Variants in CLYBL observed in about 807,000 individuals in gnomAD.
CLYBL encodes citramalyl-CoA lyase, also known as citramalyl-CoA lyase, mitochondrial.
A neutral mutation model predicts 38.9 loss-of-function variants in CLYBL; 31 were observed. That is an observed-to-expected ratio of 0.80 (90% confidence interval 0.60 to 1.08). The LOEUF (loss-of-function observed/expected upper bound fraction) is 1.08. Ranked by LOEUF, CLYBL falls within the 50% of genes least tolerant of loss-of-function variation. The probability of loss-of-function intolerance (pLI) is 0.00; values close to 1 mark genes in which losing one functional copy is unlikely to be tolerated. For missense variants in CLYBL, 434 were observed against 411.6 expected, an observed-to-expected ratio of 1.05 and a Z score of -0.47; for synonymous variants, 171 against 158.6, an observed-to-expected ratio of 1.08 and a Z score of -0.59.
intron 2 of CLYBL, among the ~76,000 whole-genome samples, chr13:99,775,354 G>A (rs2049489738): frequency 6.6e-6 from 1 of 152,156 alleles, no homozygotes. Flanking sequence ...GAAACCTGAG[G>A]AGGAGAAGGG....
intron 2 of CLYBL, among the ~76,000 whole-genome samples, chr13:99,817,702 A>C (rs2050488370): frequency 6.6e-6 from 1 of 151,798 alleles, no homozygotes; most frequent in Non-Finnish European, 1.5e-5. Flanking sequence ...CACTGAGCTA[A>C]AGTAAAGAAA....
At chr13:99,654,951 G>A (rs535689519) in intron 1 of CLYBL, among the ~76,000 whole-genome samples, 2 of 152,236 alleles carry the variant, frequency 1.3e-5, no homozygotes, top group East Asian at 1.9e-4. Context: ...GTTGCAGTGA[G>A]CCGAGATCGC....
chr13:99,866,126 G>A (rs2051735810), intron 5 of CLYBL, 114 bp from the exon 6 acceptor site: 10 of 1,030,156 alleles, frequency 9.7e-6, no homozygotes, highest in Non-Finnish European at 1.5e-5. Flanking sequence ...ATTTTGCGGA[G>A]GAGCAATTTC....
At chr13:99,632,780 A>T (rs1004731831) in intron 1 of CLYBL, among the ~76,000 whole-genome samples, 1 of 152,100 alleles carries the variant, frequency 6.6e-6, no homozygotes, top group African/African-American at 2.4e-5. Context: ...ACCCCACTAG[A>T]TAGAGGTAGA....
At position 99,903,612 on chromosome 13, in the gene CLYBL, A is replaced by C. The variant is rs142304363; in HGVS notation, c.*25-1658A>C. Among the ~76,000 whole-genome samples, 181 of 152,346 alleles carry C rather than the reference A, an allele frequency of 1.2e-3. 1 individual carries two copies. Among genetic ancestry groups the C allele is most frequent in the African/African-American group, 3.9e-3 (161 of 41,580 alleles). On this transcript the variant is annotated intron_variant and NMD_transcript_variant, in intron 8 of 9. Transcript: ENST00000689673. ...GTGAAAAATAAATTTGTTTTGGATA[A>C]CTGGCTTAAAACTCACTTAGGAATA...
At chr13:99,759,759 G>A (rs540488599) in intron 1 of CLYBL, among the ~76,000 whole-genome samples, 76 of 152,328 alleles carry the variant, frequency 5.0e-4, no homozygotes, top group Middle Eastern at 3.4e-3. Flanking sequence ...AGAAGTAGCT[G>A]TTATGTTGCT....
At chr13:99,806,370 T>C (rs1413476897) in intron 2 of CLYBL, among the ~76,000 whole-genome samples, 3 of 152,228 alleles carry the variant, frequency 2.0e-5, no homozygotes, top group African/African-American at 2.4e-5. Flanking sequence ...TAATTAGTTT[T>C]TAAAATTAAT....
At chr13:99,631,519 A>C (rs1041582520) in intron 1 of CLYBL, among the ~76,000 whole-genome samples, 1 of 152,156 alleles carries the variant, frequency 6.6e-6, no homozygotes, top group Non-Finnish European at 1.5e-5. Context: ...TGTTAAAAAG[A>C]ATAAGGTAGT....
At chr13:99,799,651 A>G (rs2050092508) in intron 2 of CLYBL, among the ~76,000 whole-genome samples, 1 of 152,210 alleles carries the variant, frequency 6.6e-6, no homozygotes. Flanking sequence ...AATTTCATCT[A>G]TCTGGAGGAA....
intron 1 of CLYBL, among the ~76,000 whole-genome samples, chr13:99,644,564 G>A (rs1238546319): frequency 6.6e-6 from 1 of 151,956 alleles, no homozygotes; most frequent in African/African-American, 2.4e-5. Context: ...AATTATTGTT[G>A]ACTGTAGTTA....
chr13:99,760,149 A>T (rs969957842), intron 1 of CLYBL, among the ~76,000 whole-genome samples: 1 of 152,196 alleles, frequency 6.6e-6, no homozygotes, highest in Non-Finnish European at 1.5e-5. Flanking sequence ...TTTTATTTCC[A>T]TAGAATCAGT....
intron 1 of CLYBL, among the ~76,000 whole-genome samples, chr13:99,694,802 G>C (rs1466431921): frequency 2.0e-5 from 3 of 152,218 alleles, no homozygotes; most frequent in African/African-American, 7.2e-5. Context: ...CACTGGCTGG[G>C]TAGTTCTGTT....
chr13:99,614,614 T>C (rs2046679808), intron 1 of CLYBL, among the ~76,000 whole-genome samples: 1 of 152,138 alleles, frequency 6.6e-6, no homozygotes, highest in Non-Finnish European at 1.5e-5. Context: ...GTGCCGTGCC[T>C]GCTGAACGGC....
chr13:99,641,246 A>G (rs887428189), intron 1 of CLYBL, among the ~76,000 whole-genome samples: 10 of 152,220 alleles, frequency 6.6e-5, no homozygotes, highest in African/African-American at 1.7e-4. Flanking sequence ...TTTATAACCT[A>G]TAGGTTAAAA....
At chr13:99,830,252 C>T (rs974480297) in intron 2 of CLYBL, among the ~76,000 whole-genome samples, 1 of 152,144 alleles carries the variant, frequency 6.6e-6, no homozygotes, top group Non-Finnish European at 1.5e-5. Context: ...TTTATTAGGC[C>T]TAAGTGGAAG....
At chr13:99,788,667 G>A (rs1488037986) in intron 2 of CLYBL, among the ~76,000 whole-genome samples, 1 of 152,018 alleles carries the variant, frequency 6.6e-6, no homozygotes. Flanking sequence ...TTCTATTTTT[G>A]TGTGTGTGTC....
At position 99,606,711 on chromosome 13, in the gene CLYBL, C is replaced by T. The variant is rs986549297; in HGVS notation, c.16C>T (p.Leu6=). MALRL[L]RRAARGAAAA... ...CGTCGGGAAGATGGCGCTACGTCTG[C>T]TGCGGAGGGCGGCGCGCGGAGCTGC... Residue 6 remains leucine (L), a synonymous_variant, in exon 1 of 9, where the codon CTG becomes TTG. Coordinates refer to ENST00000339105, the MANE Select transcript of CLYBL (RefSeq NM_206808.5). The T allele has an allele frequency of 2.7e-6, 4 of 1,493,622 alleles. No homozygotes were observed. Among genetic ancestry groups the T allele is most frequent in the African/African-American group, 1.5e-5 (1 of 68,670 alleles). The allele number at this position is 1,493,622 out of a possible 1,614,324, so 92.5% of individuals were successfully genotyped here.
intron 2 of CLYBL, among the ~76,000 whole-genome samples, chr13:99,832,060 A>C (rs563015013): frequency 4.2e-4 from 64 of 152,232 alleles, no homozygotes; most frequent in South Asian, 1.0e-3. Context: ...TGAATTTACT[A>C]GCTTCCAGTC....
chr13:99,677,428 AATTAT>A (rs2047670422), intron 1 of CLYBL, among the ~76,000 whole-genome samples: 1 of 152,164 alleles, frequency 6.6e-6, no homozygotes, highest in South Asian at 2.1e-4. Context: ...TTTTCAGTAA[AATTAT>A]ATTAATATGG....
Sources: allele counts gnomAD v4.1 joint callset (sites outside exome capture counted in the v4.1 genomes callset), GRCh38; gene constraint gnomAD v4.1.1; transcripts MANE v1.5; gene names NCBI Gene and HGNC (gene_info 2026-07-23, HGNC 2026-07-21).